The following TMTC2 variants were observed in gnomAD, a reference collection of about 807,000 sequenced individuals.
TMTC2 encodes transmembrane O-mannosyltransferase targeting cadherins 2.
A neutral mutation model predicts 82.4 loss-of-function variants in TMTC2; 43 were observed. The ratio of observed to expected loss-of-function variants is 0.52; its 90% CI spans 0.41 to 0.67. TMTC2 has a LOEUF of 0.67. TMTC2 is among the 30% of genes least tolerant of loss of function. TMTC2 has a pLI of 0.00. For missense variants in TMTC2, 919 were observed against 1,012.4 expected (o/e 0.91, Z 1.25); for synonymous variants, 408 against 381.9 (o/e 1.07, Z -0.80).
At chr12:83,033,524 G>A (rs902875511) in intron 9 of TMTC2, among the ~76,000 whole-genome samples, 26 of 152,034 alleles carry the variant, frequency 1.7e-4, no homozygotes, top group Non-Finnish European at 2.9e-4. Flanking sequence ...AGGCCGAGGC[G>A]GGCAGATCAC....
At chr12:83,130,557 T>A (rs1885229306) in intron 11 of TMTC2, among the ~76,000 whole-genome samples, 1 of 152,174 alleles carries the variant, frequency 6.6e-6, no homozygotes. Flanking sequence ...ATAGAAAGGT[T>A]TAAAAATAAT....
chr12:82,864,149 C>G (rs1871694516), intron 2 of TMTC2, among the ~76,000 whole-genome samples: 1 of 152,098 alleles, frequency 6.6e-6, no homozygotes, highest in African/African-American at 2.4e-5. Context: ...GGCAGATACA[C>G]AGAGGACATG....
chr12:82,787,914 A>G (rs906953851), intron 1 of TMTC2, among the ~76,000 whole-genome samples: 3 of 151,098 alleles, frequency 2.0e-5, no homozygotes, highest in Non-Finnish European at 4.4e-5. Context: ...CTCCATCTCA[A>G]ATAATAATAA....
In TMTC2 at chr12:82,708,608, C is replaced by G. The variant is rs370673418; in HGVS notation, c.83+20939C>G. ...GTCTTTGTGTGCTGGTCCCATCAGC[C>G]CCTGTCACGTGGTCCTGGCAGTCCT... On this transcript the variant is annotated intron_variant, in intron 1 of 11. Transcript: ENST00000321196. Among the ~76,000 whole-genome samples, 3 of 152,168 alleles carry G rather than the reference C, an allele frequency of 2.0e-5. No homozygotes were observed. The East Asian group carries it at 5.8e-4, about 29-fold the overall frequency.
rs1885337064 is a variant in TMTC2, at chr12:83,133,626, T to C, written c.*1237T>C. 6.6e-6 allele frequency: 1 copy of C among 152,234 alleles called. No homozygotes were observed. The highest frequency in any genetic ancestry group is 1.5e-5 in the Non-Finnish European group (1 of 68,038). The allele number at this position is 152,234 out of a possible 1,614,324, so 9.4% of individuals were successfully genotyped here. A position where few individuals can be genotyped will look rare whatever the true frequency, so the allele number is the denominator to read the frequency against. Reference sequence around the variant, plus strand: ...TTTCACTAGCAAAATTGGTATTTTATTTCATTACCTGTTAGTAACTACTTC... The same window carrying C: ...TTTCACTAGCAAAATTGGTATTTTACTTCATTACCTGTTAGTAACTACTTC... On this transcript the variant is annotated 3_prime_UTR_variant, in exon 12 of 12. Coordinates refer to ENST00000321196, the MANE Select transcript of TMTC2 (RefSeq NM_152588.3).
intron 1 of TMTC2, among the ~76,000 whole-genome samples, chr12:82,699,717 T>C (rs139719132): frequency 6.6e-6 from 1 of 152,250 alleles, no homozygotes; most frequent in East Asian, 1.9e-4. Context: ...GGGTAACAAT[T>C]ATAAAAAATG....
intron 11 of TMTC2, among the ~76,000 whole-genome samples, chr12:83,075,748 A>G (rs973923970): frequency 2.6e-5 from 4 of 152,196 alleles, no homozygotes; most frequent in Admixed American, 6.5e-5. Flanking sequence ...GTCAGGATCA[A>G]TTTTAGTCCC....
At chr12:82,715,224 G>A (rs547061611) in intron 1 of TMTC2, among the ~76,000 whole-genome samples, 1 of 149,812 alleles carries the variant, frequency 6.7e-6, no homozygotes, top group Non-Finnish European at 1.5e-5. Context: ...GAGCCAAGAC[G>A]AGATCACGCC....
chr12:82,843,469 G>A (rs1356392794), intron 1 of TMTC2, among the ~76,000 whole-genome samples: 1 of 152,090 alleles, frequency 6.6e-6, no homozygotes, highest in South Asian at 2.1e-4. Context: ...ATGAACCTGA[G>A]TACATTTTGT....
intron 8 of TMTC2, among the ~76,000 whole-genome samples, chr12:83,009,607 T>C (rs1350259068): frequency 1.3e-5 from 2 of 152,140 alleles, no homozygotes; most frequent in African/African-American, 2.4e-5. Flanking sequence ...ATAGGAGTGA[T>C]GCAATTTTTA....
At chr12:83,049,666 G>A (rs564087711) in intron 9 of TMTC2, among the ~76,000 whole-genome samples, 66 of 152,094 alleles carry the variant, frequency 4.3e-4, no homozygotes, top group African/African-American at 9.4e-4. Flanking sequence ...CTATTATTTC[G>A]CGTATGTACA....
At chr12:82,695,377 T>A (rs866052313) in intron 1 of TMTC2, among the ~76,000 whole-genome samples, 2 of 152,244 alleles carry the variant, frequency 1.3e-5, no homozygotes, top group African/African-American at 4.8e-5. Flanking sequence ...AACTATTCTC[T>A]TGCTTTTTTT....
At chr12:82,872,741 TA>T (rs1872266848) in intron 2 of TMTC2, among the ~76,000 whole-genome samples, 1 of 152,336 alleles carries the variant, frequency 6.6e-6, no homozygotes, top group South Asian at 2.1e-4. Flanking sequence ...GTGTGGGTTG[TA>T]AAGATCATAA....
At chr12:82,937,282 C>CTT (rs377488444) in intron 4 of TMTC2, among the ~76,000 whole-genome samples, 1 of 151,162 alleles carries the variant, frequency 6.6e-6, no homozygotes, top group African/African-American at 2.4e-5. Context: ...CCTTCCTTGC[C>CTT]TTTTTTTTTG....
intron 2 of TMTC2, among the ~76,000 whole-genome samples, chr12:82,877,873 A>G (rs1044536880): frequency 5.3e-5 from 8 of 152,192 alleles, no homozygotes; most frequent in Non-Finnish European, 7.3e-5. Flanking sequence ...GAAACGAGGG[A>G]CACCGACATG....
rs770588244 is a variant in TMTC2, at chr12:83,132,408, A to G, written c.*19A>G. 8.7e-6 allele frequency: 14 copies of G among 1,610,218 alleles called. No homozygotes were observed. The highest frequency in any genetic ancestry group is 1.0e-5 in the Non-Finnish European group (12 of 1,178,926). Reference sequence around the variant, plus strand: ...GACCTGACACAGGAGGCAGAAGCCCATCCTCCTCCATTTTTAAAAGCTGGC... The same window carrying G: ...GACCTGACACAGGAGGCAGAAGCCCGTCCTCCTCCATTTTTAAAAGCTGGC... On this transcript the variant is annotated 3_prime_UTR_variant, in exon 12 of 12. Coordinates refer to ENST00000321196, the MANE Select transcript of TMTC2 (RefSeq NM_152588.3).
intron 1 of TMTC2, among the ~76,000 whole-genome samples, chr12:82,689,935 A>C (rs1052006236): frequency 6.6e-6 from 1 of 152,262 alleles, no homozygotes. Flanking sequence ...AGTGTATTTT[A>C]CACTGATTTC....
At chr12:83,075,450 G>A (rs1388015262) in intron 11 of TMTC2, among the ~76,000 whole-genome samples, 1 of 152,082 alleles carries the variant, frequency 6.6e-6, no homozygotes, top group Admixed American at 6.5e-5. Context: ...GAGGTAAATT[G>A]ACAGACACAC....
intron 1 of TMTC2, among the ~76,000 whole-genome samples, chr12:82,717,819 C>T (rs780580200): frequency 1.3e-5 from 2 of 152,088 alleles, no homozygotes; most frequent in Non-Finnish European, 2.9e-5. Flanking sequence ...TTGTAAAAAA[C>T]CAAACCAAAG....
Sources: gnomAD v4.1 joint callset for allele counts (sites outside exome capture counted in the v4.1 genomes callset) on GRCh38, gnomAD v4.1.1 for gene constraint, MANE v1.5 for transcripts, NCBI Gene and HGNC (gene_info 2026-07-23, HGNC 2026-07-21) for gene names.